The following VPS13B variants were observed in gnomAD, a reference collection of about 807,000 sequenced individuals.
VPS13B encodes the protein intermembrane lipid transfer protein VPS13B.
In VPS13B, 285 loss-of-function variants were observed where a neutral mutation model predicts 426.4. The observed-to-expected ratio is 0.67, with a 90% confidence interval of 0.61 to 0.74. The LOEUF is 0.74. VPS13B is among the 30% of genes least tolerant of loss of function. VPS13B has a pLI of 0.00. For synonymous variants in VPS13B, 1,676 were observed against 1,676.4 expected (o/e 1.00, Z 0.01); for missense variants, 4,537 against 4,782.6 (o/e 0.95, Z 1.51).
rs1341847642 is a variant in VPS13B at position 99,435,244 on chromosome 8, G to A, written c.3210+3580G>A. ...ATATGATAGCTACCAATAATATTTA[G>A]TTGTTTAAAGTTTACTATAGATCTA... On this transcript the variant is annotated intron_variant, in intron 22 of 61. Transcript: ENST00000357162. 2.0e-5 allele frequency among the ~76,000 whole-genome samples: 3 copies of A among 152,154 alleles called. No individual in the cohort carries two copies. The East Asian group carries it at 5.8e-4, about 29-fold the overall frequency.
At chr8:99,640,063 A>AGAAG (rs1233008721) in intron 33 of VPS13B, among the ~76,000 whole-genome samples, 5 of 103,044 alleles carry the variant, frequency 4.9e-5, no homozygotes, top group African/African-American at 1.5e-4. Context: ...AAAGAAAAGA[A>AGAAG]AAGAAAAGAA....
At position 99,469,780 on chromosome 8, in the gene VPS13B, TG is replaced by T. The variant is rs1442557036; in HGVS notation, c.3666+2147del. Among the ~76,000 whole-genome samples, 4 of 152,260 alleles carry T rather than the reference TG, an allele frequency of 2.6e-5. No homozygotes were observed. The East Asian group carries it at 7.7e-4, about 29-fold the overall frequency. ...GGTTTGTAACAGAAGTAAGTTAAAA[TG>T]AAGTCATTAGGGTGACCCAATGTGA... On this transcript the variant is annotated intron_variant, in intron 24 of 61. Transcript: ENST00000357162.
chr8:99,512,542 T>C (rs1391443702), intron 29 of VPS13B, among the ~76,000 whole-genome samples: 7 of 152,208 alleles, frequency 4.6e-5, no homozygotes, highest in East Asian at 1.9e-4. Context: ...ATAACATTTT[T>C]CCACAACCTT....
At chr8:99,559,990 C>A (rs1301365795) in intron 31 of VPS13B, among the ~76,000 whole-genome samples, 1 of 152,066 alleles carries the variant, frequency 6.6e-6, no homozygotes, top group African/African-American at 2.4e-5. Flanking sequence ...CTATAAATTA[C>A]CTTGGGCAGT....
At chr8:99,472,242 A>T (rs989732178) in intron 24 of VPS13B, among the ~76,000 whole-genome samples, 6 of 152,110 alleles carry the variant, frequency 3.9e-5, no homozygotes, top group African/African-American at 1.4e-4. Context: ...ATATGAAAAT[A>T]CTATGCACTC....
chr8:99,061,733 C>T (rs1018546157), intron 3 of VPS13B, among the ~76,000 whole-genome samples: 11 of 152,046 alleles, frequency 7.2e-5, no homozygotes, highest in South Asian at 2.1e-4. Flanking sequence ...TTATAAGTAA[C>T]GTAAGTATTA....
intron 25 of VPS13B, among the ~76,000 whole-genome samples, chr8:99,498,250 A>G (rs1588439902): frequency 6.6e-6 from 1 of 152,140 alleles, no homozygotes; most frequent in East Asian, 1.9e-4. Flanking sequence ...ATTTTTTTAA[A>G]TTACAATTTG....
At chr8:99,768,683 T>C (rs1378418733) in intron 40 of VPS13B, among the ~76,000 whole-genome samples, 1 of 152,222 alleles carries the variant, frequency 6.6e-6, no homozygotes, top group Non-Finnish European at 1.5e-5. Flanking sequence ...TTTAAAAATA[T>C]TTACTTTCCT....
chr8:99,296,309 A>T (rs190339207), intron 19 of VPS13B, among the ~76,000 whole-genome samples: 1 of 152,152 alleles, frequency 6.6e-6, no homozygotes, highest in African/African-American at 2.4e-5. Flanking sequence ...AGAAGCTATA[A>T]ATTTTTAATA....
intron 17 of VPS13B, among the ~76,000 whole-genome samples, chr8:99,269,903 CTT>C (rs1265980258): frequency 1.3e-5 from 2 of 151,922 alleles, no homozygotes; most frequent in Non-Finnish European, 2.9e-5. Flanking sequence ...ATGAATATAA[CTT>C]TTATATAAAA....
chr8:99,357,493 C>T (rs1237245278), intron 19 of VPS13B, among the ~76,000 whole-genome samples: 2 of 152,134 alleles, frequency 1.3e-5, no homozygotes, highest in Non-Finnish European at 2.9e-5. Context: ...TTCATAGCAT[C>T]TGTCCCAGCA....
intron 3 of VPS13B, among the ~76,000 whole-genome samples, chr8:99,082,831 T>A (rs187386106): frequency 6.6e-6 from 1 of 152,222 alleles, no homozygotes; most frequent in Admixed American, 6.5e-5. Flanking sequence ...ATCTCTGTTT[T>A]GGTACCAGTA....
chr8:99,732,631 A>T (rs536849827), intron 39 of VPS13B, among the ~76,000 whole-genome samples: 11 of 152,346 alleles, frequency 7.2e-5, no homozygotes, highest in African/African-American at 2.4e-4. Flanking sequence ...CCACCCACCC[A>T]GTAAACTGCT....
chr8:99,723,956 G>A (rs1833231561), intron 39 of VPS13B, among the ~76,000 whole-genome samples: 2 of 152,158 alleles, frequency 1.3e-5, no homozygotes, highest in Admixed American at 1.3e-4. Context: ...GACTGGCAAC[G>A]AGGCTGACTT....
chr8:99,722,753 T>G (rs1833181725), intron 39 of VPS13B, among the ~76,000 whole-genome samples: 1 of 152,122 alleles, frequency 6.6e-6, no homozygotes, highest in African/African-American at 2.4e-5. Context: ...ATGATCCACC[T>G]GCCTCGGCCT....
chr8:99,386,776 G>C (rs1217263606), intron 20 of VPS13B, among the ~76,000 whole-genome samples: 2 of 152,116 alleles, frequency 1.3e-5, no homozygotes, highest in South Asian at 2.1e-4. Flanking sequence ...TTCAAGACCA[G>C]CCTGGGGAAC....
At chr8:99,654,138 T>C (rs1342180227) in intron 34 of VPS13B, among the ~76,000 whole-genome samples, 1 of 152,024 alleles carries the variant, frequency 6.6e-6, no homozygotes, top group African/African-American at 2.4e-5. Flanking sequence ...AAGCTCTGCC[T>C]CCCGGGTTCA....
intron 22 of VPS13B, among the ~76,000 whole-genome samples, chr8:99,441,517 ATAACT>A (rs1817675738): frequency 6.6e-6 from 1 of 152,120 alleles, no homozygotes; most frequent in Admixed American, 6.6e-5. Context: ...TATTTTCTCA[ATAACT>A]TAAGTATCGT....
rs565968088 is a variant in VPS13B, at chr8:99,299,314, A to C, written c.2824+24060A>C. On this transcript the variant is annotated intron_variant, in intron 19 of 61. Transcript: ENST00000357162. ...CTTACCTCAGGTAATCCACTGCCTC[A>C]GGCTCCCAAAGTGCTGGAATTACAG... is the stretch of plus-strand genomic sequence containing the variant. Among the ~76,000 whole-genome samples the C allele has an allele frequency of 6.7e-4, 102 of 151,846 alleles. 1 individual carries two copies. The highest frequency in any genetic ancestry group is 1.6e-3 in the Admixed American group (24 of 15,246).
Sources: allele counts gnomAD v4.1 joint callset (sites outside exome capture counted in the v4.1 genomes callset), GRCh38; gene constraint gnomAD v4.1.1; transcripts MANE v1.5; gene names NCBI Gene and HGNC (gene_info 2026-07-23, HGNC 2026-07-21).